Variants in PUDP observed in about 807,000 individuals in gnomAD.
The protein encoded by PUDP is pseudouridine-5'-phosphatase.
A neutral mutation model predicts 9.4 loss-of-function variants in PUDP; 8 were observed. That is an observed-to-expected ratio of 0.85 (90% confidence interval 0.50 to 1.53). The LOEUF (loss-of-function observed/expected upper bound fraction) is 1.53, where lower values mean the gene tolerates loss of function less well. PUDP is among the 40% of genes most tolerant of loss of function. The pLI is 0.00. For synonymous variants in PUDP, 99 were observed against 80.7 expected (o/e 1.23, Z -1.22); for missense variants, 188 against 189.7 (o/e 0.99, Z 0.05).
At chrX:6,927,154 G>A (rs771801870) in intron 3 of PUDP, among the ~76,000 whole-genome samples, 21 of 108,821 alleles carry the variant, frequency 1.9e-4, no homozygotes, top group Non-Finnish European at 3.6e-4. Context: ...GGCTGGTCTC[G>A]AATTCCTGAG....
At chrX:6,904,874 C>T (rs777792291) in intron 3 of PUDP, among the ~76,000 whole-genome samples, 3 of 111,638 alleles carry the variant, frequency 2.7e-5, no homozygotes, top group East Asian at 2.9e-4. Flanking sequence ...ACACACAAGC[C>T]CTCTAAGCAC....
intron 1 of PUDP, among the ~76,000 whole-genome samples, chrX:6,712,533 G>C (rs1387435544): frequency 8.9e-6 from 1 of 112,019 alleles, no homozygotes; most frequent in Non-Finnish European, 1.9e-5. Context: ...GCAATGATAA[G>C]GAGCTCCTCA....
intron 2 of PUDP, among the ~76,000 whole-genome samples, chrX:7,083,397 T>C (rs1299282373): frequency 9.0e-6 from 1 of 111,369 alleles, no homozygotes; most frequent in Non-Finnish European, 1.9e-5. Context: ...TGAAGACATA[T>C]AAGTTACTGA....
rs1460635578 is a variant in PUDP, at chrX:7,049,663, C to G, written c.*633G>C. ...GCTCATCAAAAACAGGACTTTCCCA[C>G]TCAGACTGCAAACCAGGCAGAACTA... On this transcript the variant is annotated 3_prime_UTR_variant, in exon 4 of 4. Coordinates refer to ENST00000381077, the MANE Select transcript of PUDP (RefSeq NM_012080.5). The G allele has an allele frequency of 8.9e-6, 1 of 112,290 alleles. No homozygotes were observed. The highest frequency in any genetic ancestry group is 9.4e-5 in the Admixed American group (1 of 10,649). 9.3% of individuals were successfully genotyped at this position (112,290 alleles called of 1,213,427 possible). A position where few individuals can be genotyped will look rare whatever the true frequency, so the allele number is the denominator to read the frequency against.
intron 2 of PUDP, among the ~76,000 whole-genome samples, chrX:7,091,632 C>T (rs192086539): frequency 4.5e-5 from 5 of 111,610 alleles, no homozygotes; most frequent in South Asian, 3.8e-4. Flanking sequence ...TGAGCCACCG[C>T]GCCCGGCCTT....
chrX:7,090,996 T>C (rs185477158), intron 2 of PUDP, among the ~76,000 whole-genome samples: 239 of 112,219 alleles, frequency 2.1e-3, no homozygotes, highest in Middle Eastern at 9.1e-3. Flanking sequence ...ATGTAACAGA[T>C]GAGAAGGAGA....
At chrX:6,725,631 C>T (rs1281597595), upstream of PUDP, among the ~76,000 whole-genome samples, 1 of 112,003 alleles carries the variant, frequency 8.9e-6, no homozygotes, top group Non-Finnish European at 1.9e-5. Context: ...CAAAAGAAGA[C>T]ATAAAAATGG....
At chrX:6,799,432 G>A (rs1002882331) in intron 3 of PUDP, among the ~76,000 whole-genome samples, 2 of 111,849 alleles carry the variant, frequency 1.8e-5, no homozygotes, top group African/African-American at 6.5e-5. Flanking sequence ...ACACAGTTTG[G>A]AGGGCTTTAA....
intron 3 of PUDP, among the ~76,000 whole-genome samples, chrX:6,729,747 G>A (rs1924787001): frequency 9.0e-6 from 1 of 111,158 alleles, no homozygotes; most frequent in South Asian, 3.9e-4. Flanking sequence ...AGGCTTATCA[G>A]TACCAGCTCA....
rs761143837 is a variant in PUDP at position 7,054,777 on chromosome X, C to T, written c.511-4305G>A. Among the ~76,000 whole-genome samples the T allele has an allele frequency of 2.7e-5, 3 of 112,032 alleles. No individual in the cohort carries two copies. In the East Asian group the frequency reaches 8.4e-4, roughly 31 times the overall value. Reference sequence around the variant, plus strand: ...TTCCCCGACATTTGCCGGACTCTTACACTTCATGTCCGCTAACGAGAATTC... The same window carrying T: ...TTCCCCGACATTTGCCGGACTCTTATACTTCATGTCCGCTAACGAGAATTC... On this transcript the variant is annotated intron_variant, in intron 3 of 3. Coordinates refer to ENST00000381077, the MANE Select transcript of PUDP (RefSeq NM_012080.5).
intron 3 of PUDP, among the ~76,000 whole-genome samples, chrX:6,789,015 C>T (rs1042469683): frequency 1.1e-4 from 12 of 111,497 alleles, no homozygotes; most frequent in East Asian, 2.8e-4. Flanking sequence ...AGAGACCGGG[C>T]GCGGTGGCTC....
chrX:6,767,468 T>G (rs1341008047), intron 3 of PUDP, among the ~76,000 whole-genome samples: 1 of 112,676 alleles, frequency 8.9e-6, no homozygotes, highest in Non-Finnish European at 1.9e-5. Flanking sequence ...GTGGAATACA[T>G]GGCCATACAG....
intron 1 of PUDP, among the ~76,000 whole-genome samples, chrX:7,014,500 C>A (rs1220388751): frequency 9.0e-6 from 1 of 111,357 alleles, no homozygotes; most frequent in Non-Finnish European, 1.9e-5. Flanking sequence ...GCAATAGAAT[C>A]TTTTGGTAGG....
intron 3 of PUDP, among the ~76,000 whole-genome samples, chrX:6,932,044 TTAAA>T (rs1016910638): frequency 8.9e-6 from 1 of 112,355 alleles, no homozygotes; most frequent in African/African-American, 3.2e-5. Flanking sequence ...GCTTCTTTAA[TTAAA>T]TACTTATAAA....
chrX:7,049,765 T>C lies in PUDP; in HGVS notation c.*531A>G, dbSNP rs3761597. ...GTGATGCAGACGATAGATATAAACA[T>C]ATCTACATACATATGCATACATAAA... On this transcript the variant is annotated 3_prime_UTR_variant, in exon 4 of 4. Coordinates refer to ENST00000381077, the MANE Select transcript of PUDP (RefSeq NM_012080.5). The C allele has an allele frequency of 0.34, 37,829 of 111,392 alleles. 4,866 individuals carry two copies. The highest frequency in any genetic ancestry group is 0.47 in the Middle Eastern group (101 of 215). The allele number at this position is 111,392 out of a possible 1,213,427, so 9.2% of individuals were successfully genotyped here.
intron 3 of PUDP, among the ~76,000 whole-genome samples, chrX:7,054,237 C>T (rs1458216906): frequency 1.8e-5 from 2 of 110,891 alleles, no homozygotes; most frequent in Non-Finnish European, 3.8e-5. Flanking sequence ...GGTAAAATCA[C>T]ATCGCTACCA....
rs55692944 is a variant in PUDP, at chrX:7,024,754, CT to C, written c.205-46412del. On this transcript the variant is annotated intron_variant and NMD_transcript_variant, in intron 1 of 3. Transcript: ENST00000655425. ...GGCGCTCGCCACCTCGCCCGGCTAA[CT>C]TTTTTTTTTTTTTTTTTAGTAGAGA... 1.9e-3 allele frequency among the ~76,000 whole-genome samples: 103 copies of C among 54,431 alleles called. 6 individuals carry two copies. Among genetic ancestry groups the C allele is most frequent in the East Asian group, 0.016 (22 of 1,405 alleles). The allele number at this position is 54,431 out of a possible 115,157, so 47.3% of individuals were successfully genotyped here. A position where few individuals can be genotyped will look rare whatever the true frequency, so the allele number is the denominator to read the frequency against.
chrX:6,705,880 T>A (rs774803184), intron 2 of PUDP, among the ~76,000 whole-genome samples: 1 of 112,564 alleles, frequency 8.9e-6, no homozygotes. Flanking sequence ...AATATCAGCA[T>A]AGAAAGTTTA....
At chrX:6,790,142 T>C (rs1925721189) in intron 3 of PUDP, among the ~76,000 whole-genome samples, 1 of 111,193 alleles carries the variant, frequency 9.0e-6, no homozygotes, top group Admixed American at 9.6e-5. Flanking sequence ...TATACAGATG[T>C]AGATAGGTAG....
Sources: gnomAD v4.1 joint callset for allele counts (sites outside exome capture counted in the v4.1 genomes callset) on GRCh38, gnomAD v4.1.1 for gene constraint, MANE v1.5 for transcripts, NCBI Gene and HGNC (gene_info 2026-07-23, HGNC 2026-07-21) for gene names.